Variants in CSMD1 observed in about 807,000 individuals in gnomAD.
The protein encoded by CSMD1 is CUB and sushi domain-containing protein 1.
CSMD1 carries 213 observed loss-of-function variants against 417.5 expected under a neutral mutation model. That is an observed-to-expected ratio of 0.51 (90% CI 0.46 to 0.57). CSMD1 has a LOEUF of 0.57. CSMD1 is among the 20% of genes least tolerant of loss of function. The probability of loss-of-function intolerance (pLI) is 0.00; values close to 1 mark genes in which losing one functional copy is unlikely to be tolerated. For missense variants in CSMD1, 6,923 were observed against 4,529.7 expected (o/e 1.53, Z -15.17); for synonymous variants, 2,862 against 1,736.8 (o/e 1.65, Z -16.11).
At chr8:4,493,359 T>C (rs993379142) in intron 2 of CSMD1, among the ~76,000 whole-genome samples, 4 of 152,166 alleles carry the variant, frequency 2.6e-5, no homozygotes, top group Admixed American at 1.3e-4. Context: ...TAAATGATGG[T>C]TGTTAGTTTG....
chr8:4,473,201 A>C (rs1208513166), intron 2 of CSMD1, among the ~76,000 whole-genome samples: 1 of 152,218 alleles, frequency 6.6e-6, no homozygotes, highest in Admixed American at 6.5e-5. Flanking sequence ...TTAAAATTTC[A>C]ATTATAAATG....
chr8:4,697,127 G>A (rs796177687), intron 1 of CSMD1, among the ~76,000 whole-genome samples: 20 of 152,184 alleles, frequency 1.3e-4, no homozygotes, highest in South Asian at 4.2e-4. Context: ...AGCCGAGATC[G>A]CGCCACTGCA....
At position 4,089,923 on chromosome 8, in the gene CSMD1, A is replaced by G. The variant is rs1222953451; in HGVS notation, c.416-57824T>C. Among the ~76,000 whole-genome samples, 3 of 152,308 alleles carry G rather than the reference A, an allele frequency of 2.0e-5. No homozygotes were observed. The East Asian group carries it at 5.8e-4, about 29-fold the overall frequency. On this transcript the variant is annotated intron_variant, in intron 3 of 69. Transcript: ENST00000635120. ...GACCTGATTGGAATGAACCGAGGAA[A>G]GAATATTACATGTATTATTGTTGAA... is the stretch of plus-strand genomic sequence containing the variant.
chr8:4,025,169 G>T (rs917823233), intron 4 of CSMD1, among the ~76,000 whole-genome samples: 1 of 152,232 alleles, frequency 6.6e-6, no homozygotes, highest in Non-Finnish European at 1.5e-5. Context: ...CTCCTGTGAA[G>T]AAATGCACCC....
At chr8:3,114,698 G>A (rs1382091935) in intron 42 of CSMD1, among the ~76,000 whole-genome samples, 1 of 152,022 alleles carries the variant, frequency 6.6e-6, no homozygotes, top group East Asian at 1.9e-4. Flanking sequence ...AGGAGACAGA[G>A]TTGCATTCTT....
chr8:4,780,124 A>G (rs976851355), intron 1 of CSMD1, among the ~76,000 whole-genome samples: 5 of 152,170 alleles, frequency 3.3e-5, no homozygotes, highest in African/African-American at 1.2e-4. Flanking sequence ...AACATTTACT[A>G]CAGTCACAGA....
At chr8:3,922,453 G>A (rs1348780817) in intron 5 of CSMD1, among the ~76,000 whole-genome samples, 2 of 151,738 alleles carry the variant, frequency 1.3e-5, no homozygotes, top group African/African-American at 2.4e-5. Context: ...AATATATTCT[G>A]TTCTGTTTCT....
At chr8:3,352,722 C>T (rs1344347727) in intron 21 of CSMD1, among the ~76,000 whole-genome samples, 1 of 152,124 alleles carries the variant, frequency 6.6e-6, no homozygotes, top group East Asian at 1.9e-4. Flanking sequence ...TGCCGGTTGT[C>T]CCACCTAATT....
chr8:4,939,969 T>G (rs1013323828), intron 1 of CSMD1, among the ~76,000 whole-genome samples: 10 of 152,210 alleles, frequency 6.6e-5, no homozygotes, highest in Non-Finnish European at 5.9e-5. Flanking sequence ...TTGGGAAAAC[T>G]TGAAAAATCT....
intron 7 of CSMD1, among the ~76,000 whole-genome samples, chr8:3,621,958 CTT>C (rs1428635559): frequency 7.0e-6 from 1 of 142,482 alleles, no homozygotes; most frequent in African/African-American, 2.6e-5. Flanking sequence ...TTACTTCTGT[CTT>C]ATGTCTCTCT....
At chr8:4,135,883 T>C (rs535305004) in intron 3 of CSMD1, among the ~76,000 whole-genome samples, 20 of 152,326 alleles carry the variant, frequency 1.3e-4, no homozygotes, top group African/African-American at 4.8e-4. Flanking sequence ...TTCTGATAAA[T>C]TGCAATGATT....
At chr8:4,549,673 G>A (rs1020058480) in intron 2 of CSMD1, among the ~76,000 whole-genome samples, 1 of 152,002 alleles carries the variant, frequency 6.6e-6, no homozygotes, top group African/African-American at 2.4e-5. Flanking sequence ...AAGATCACTT[G>A]AGTTCAGGAG....
At chr8:4,232,503 A>C (rs1563311571) in intron 3 of CSMD1, among the ~76,000 whole-genome samples, 1 of 152,152 alleles carries the variant, frequency 6.6e-6, no homozygotes, top group Non-Finnish European at 1.5e-5. Flanking sequence ...CCAGCCACAC[A>C]TGTCCTTTAA....
At chr8:4,348,416 C>G (rs1800898391) in intron 3 of CSMD1, among the ~76,000 whole-genome samples, 1 of 151,984 alleles carries the variant, frequency 6.6e-6, no homozygotes, top group Non-Finnish European at 1.5e-5. Context: ...GTAAGTGATT[C>G]TGTATTTTTA....
chr8:4,056,167 T>G (rs1798680033), intron 3 of CSMD1, among the ~76,000 whole-genome samples: 1 of 145,206 alleles, frequency 6.9e-6, no homozygotes, highest in Non-Finnish European at 1.5e-5. Context: ...CTCCAACCTC[T>G]GCCTCTTGGG....
intron 41 of CSMD1, among the ~76,000 whole-genome samples, chr8:3,137,767 A>G (rs1200063729): frequency 6.6e-6 from 1 of 152,234 alleles, no homozygotes; most frequent in Non-Finnish European, 1.5e-5. Context: ...GTTCAGTGGA[A>G]ACACAACCAT....
chr8:3,510,670 G>C (rs1050566873), intron 10 of CSMD1, among the ~76,000 whole-genome samples: 2 of 21,716 alleles, frequency 9.2e-5, no homozygotes, highest in Non-Finnish European at 1.5e-4. Context: ...GTAAGATATA[G>C]AGGCAGGATT....
intron 3 of CSMD1, among the ~76,000 whole-genome samples, chr8:4,280,206 G>C (rs1796702771): frequency 6.6e-6 from 1 of 152,162 alleles, no homozygotes; most frequent in South Asian, 2.1e-4. Flanking sequence ...GCAAGCATAG[G>C]CCAATCAAAG....
intron 5 of CSMD1, among the ~76,000 whole-genome samples, chr8:3,875,212 G>A (rs113655705): frequency 1.3e-5 from 2 of 152,206 alleles, no homozygotes; most frequent in African/African-American, 4.8e-5. Context: ...AGGCCATTCG[G>A]GAGCCACCAC....
Sources: gnomAD v4.1 joint callset for allele counts (sites outside exome capture counted in the v4.1 genomes callset) on GRCh38, gnomAD v4.1.1 for gene constraint, MANE v1.5 for transcripts, NCBI Gene and HGNC (gene_info 2026-07-23, HGNC 2026-07-21) for gene names.